Variants in SEMA5A observed in about 807,000 individuals in gnomAD.
The protein encoded by SEMA5A is semaphorin-5A.
A neutral mutation model predicts 135.5 loss-of-function variants in SEMA5A; 55 were observed. The observed-to-expected ratio is 0.41, with a 90% CI of 0.33 to 0.51. The LOEUF is 0.51. Ranked by LOEUF, SEMA5A falls within the 20% of genes least tolerant of loss-of-function variation. SEMA5A has a pLI of 0.37. For missense variants in SEMA5A, 1,290 were observed against 1,419.9 expected, an observed-to-expected ratio of 0.91 and a Z score of 1.47; for synonymous variants, 580 against 546.5, an observed-to-expected ratio of 1.06 and a Z score of -0.85.
Position 9,487,419 on chromosome 5 carries a change from A to G in SEMA5A, c.-174-49567T>C, listed in dbSNP as rs139651971. The stretch of plus-strand genomic sequence containing the variant: ...GAGGTAGGAAGGGATGGGTTTGAGC[A>G]GGACACCAACCATGGGAATCGGCTC... On this transcript the variant is annotated intron_variant, in intron 1 of 22. Coordinates refer to ENST00000382496, the MANE Select transcript of SEMA5A (RefSeq NM_003966.3). 8.2e-3 allele frequency among the ~76,000 whole-genome samples: 1,255 copies of G among 152,296 alleles called. 26 individuals carry two copies. Among genetic ancestry groups the G allele is most frequent in the African/African-American group, 0.028 (1,180 of 41,562 alleles).
chr5:9,480,162 A>C (rs1328565589), intron 1 of SEMA5A, among the ~76,000 whole-genome samples: 1 of 152,162 alleles, frequency 6.6e-6, no homozygotes, highest in East Asian at 1.9e-4. Context: ...AGTTGTGACA[A>C]CTAAACCATC....
chr5:9,469,969 A>T (rs1759416074), intron 1 of SEMA5A, among the ~76,000 whole-genome samples: 1 of 152,194 alleles, frequency 6.6e-6, no homozygotes, highest in African/African-American at 2.4e-5. Flanking sequence ...CAAATGGAAA[A>T]TCCAATCTTC....
intron 5 of SEMA5A, among the ~76,000 whole-genome samples, chr5:9,266,921 G>A (rs1385793737): frequency 3.3e-5 from 5 of 152,132 alleles, no homozygotes; most frequent in African/African-American, 1.2e-4. Context: ...ACCTAACTAG[G>A]TACAAAATGA....
At chr5:9,541,038 T>C (rs1168337732) in intron 1 of SEMA5A, among the ~76,000 whole-genome samples, 1 of 152,218 alleles carries the variant, frequency 6.6e-6, no homozygotes, top group Non-Finnish European at 1.5e-5. Flanking sequence ...TGACTCTGTT[T>C]TTCTTTCCAT....
intron 13 of SEMA5A, among the ~76,000 whole-genome samples, 154 bp downstream of exon 13, chr5:9,136,348 CAA>C (rs1741742187): frequency 6.6e-6 from 1 of 152,182 alleles, no homozygotes; most frequent in African/African-American, 2.4e-5. Flanking sequence ...CTGTGCAAGC[CAA>C]GAGCTGAGTG....
intron 3 of SEMA5A, among the ~76,000 whole-genome samples, chr5:9,353,098 G>GGAAAGGAAAGGA (rs1561176710): frequency 1.8e-4 from 4 of 21,792 alleles, no homozygotes; most frequent in African/African-American, 2.5e-4. Flanking sequence ...GGAAAGGAAG[G>GGAAAGGAAAGGA]AAGGAAAGGA....
At chr5:9,440,737 A>C (rs1758202709) in intron 1 of SEMA5A, among the ~76,000 whole-genome samples, 1 of 152,250 alleles carries the variant, frequency 6.6e-6, no homozygotes. Context: ...TAAAATATGC[A>C]ACCTTCTCCC....
At chr5:9,048,426 C>T (rs1043781584) in intron 21 of SEMA5A, among the ~76,000 whole-genome samples, 3 of 152,180 alleles carry the variant, frequency 2.0e-5, no homozygotes, top group South Asian at 4.1e-4. Flanking sequence ...AAAAGTAATG[C>T]TTCATCAGTC....
intron 1 of SEMA5A, among the ~76,000 whole-genome samples, chr5:9,539,761 G>T (rs1374480404): frequency 1.2e-4 from 18 of 152,146 alleles, no homozygotes; most frequent in Admixed American, 7.9e-4. Context: ...GGGATTTTTT[G>T]ATTAGGAATA....
intron 3 of SEMA5A, among the ~76,000 whole-genome samples, chr5:9,373,811 G>T (rs905466545): frequency 6.6e-6 from 1 of 152,186 alleles, no homozygotes; most frequent in Non-Finnish European, 1.5e-5. Context: ...GTCTTTCTTT[G>T]TGAATAATGT....
intron 16 of SEMA5A, among the ~76,000 whole-genome samples, chr5:9,095,631 A>G (rs1739275855): frequency 6.6e-6 from 1 of 152,262 alleles, no homozygotes; most frequent in South Asian, 2.1e-4. Context: ...AAAAATTATT[A>G]TGTGTGCAAG....
At chr5:9,415,219 CAA>C (rs1256252808) in intron 2 of SEMA5A, among the ~76,000 whole-genome samples, 1 of 152,152 alleles carries the variant, frequency 6.6e-6, no homozygotes, top group Non-Finnish European at 1.5e-5. Context: ...CTTTCTTAAA[CAA>C]AGTTTCATTC....
In SEMA5A at chr5:9,211,689, G is replaced by A. The variant is rs573623178; in HGVS notation, c.647-9449C>T. On this transcript the variant is annotated intron_variant, in intron 8 of 22. Transcript: ENST00000382496. ...AAGAATTTCTCCTTGACTTAAGCAC[G>A]GAGGAGATTTTCATCCTCCAAGTAA... Among the ~76,000 whole-genome samples the A allele has an allele frequency of 1.1e-4, 17 of 152,216 alleles. No homozygotes were observed. The South Asian group carries it at 1.7e-3, about 15-fold the overall frequency.
At chr5:9,335,438 G>A (rs573266827) in intron 4 of SEMA5A, among the ~76,000 whole-genome samples, 1 of 152,312 alleles carries the variant, frequency 6.6e-6, no homozygotes, top group Admixed American at 6.5e-5. Context: ...TTGAGTCACT[G>A]ACCAAAAGCC....
At chr5:9,279,503 G>A (rs1361538933) in intron 5 of SEMA5A, among the ~76,000 whole-genome samples, 1 of 152,086 alleles carries the variant, frequency 6.6e-6, no homozygotes, top group African/African-American at 2.4e-5. Context: ...AGCCCTGATT[G>A]TTTTGGAAAT....
intron 5 of SEMA5A, among the ~76,000 whole-genome samples, chr5:9,258,415 G>A (rs1245627027): frequency 1.3e-5 from 2 of 152,142 alleles, no homozygotes; most frequent in African/African-American, 4.8e-5. Flanking sequence ...CTTTCAGTGA[G>A]GTGGCAAGAG....
intron 12 of SEMA5A, among the ~76,000 whole-genome samples, chr5:9,154,139 A>G (rs2428657): frequency 0.8 from 105,095 of 130,944 alleles, 42,625 homozygotes; most frequent in East Asian, 0.94. Flanking sequence ...GTGTGTGTGT[A>G]TATATATATA....
At chr5:9,142,852 C>G (rs537974129) in intron 12 of SEMA5A, among the ~76,000 whole-genome samples, 17 of 152,058 alleles carry the variant, frequency 1.1e-4, no homozygotes, top group Non-Finnish European at 1.8e-4. Flanking sequence ...GTTGGGAGGC[C>G]GAGGCAGGAG....
At chr5:9,099,985 G>A (rs981922733) in intron 16 of SEMA5A, among the ~76,000 whole-genome samples, 5 of 152,194 alleles carry the variant, frequency 3.3e-5, no homozygotes, top group African/African-American at 1.2e-4. Flanking sequence ...AACCTTTCCA[G>A]AAAAATGACT....
Sources: gnomAD v4.1 joint callset for allele counts (sites outside exome capture counted in the v4.1 genomes callset) on GRCh38, gnomAD v4.1.1 for gene constraint, MANE v1.5 for transcripts, NCBI Gene and HGNC (gene_info 2026-07-23, HGNC 2026-07-21) for gene names.